The following TENM4 variants were observed in gnomAD, a reference collection of about 807,000 sequenced individuals.
TENM4 encodes the protein teneurin transmembrane protein 4.
TENM4 carries 82 observed loss-of-function variants against 243.3 expected under a neutral mutation model. That is an observed-to-expected ratio of 0.34 (90% CI 0.28 to 0.40). The LOEUF (loss-of-function observed/expected upper bound fraction) is 0.40, where lower values mean the gene tolerates loss of function less well. Ranked by LOEUF, TENM4 falls within the 10% of genes least tolerant of loss-of-function variation. The probability of loss-of-function intolerance (pLI) is 1.00; values close to 1 mark genes in which losing one functional copy is unlikely to be tolerated. For synonymous variants in TENM4, 1,412 were observed against 1,456.3 expected (o/e 0.97, Z 0.69); for missense variants, 3,138 against 3,673.3 (o/e 0.85, Z 3.77).
intron 1 of TENM4, among the ~76,000 whole-genome samples, chr11:79,325,584 G>A (rs763481360): frequency 7.9e-5 from 12 of 152,166 alleles, no homozygotes; most frequent in East Asian, 5.8e-4. Context: ...CCTCTCTGTC[G>A]AGATTAACTG....
At position 79,162,536 on chromosome 11, in the gene TENM4, ATTTT is replaced by A. The variant is rs565465954; in HGVS notation, c.-162-13734_-162-13731del. Among the ~76,000 whole-genome samples the A allele has an allele frequency of 7.5e-3, 1,144 of 151,892 alleles. 8 individuals are homozygous for A. The highest frequency in any genetic ancestry group is 0.031 in the Middle Eastern group (9 of 294). ...CTCCTCTATGTCTTAATTAATTTTG[ATTTT>A]AGGCCAGGAAGATAAGTATTATTTT... On this transcript the variant is annotated intron_variant, in intron 3 of 33. Coordinates refer to ENST00000278550, the MANE Select transcript of TENM4 (RefSeq NM_001098816.3).
At chr11:79,012,286 G>A (rs940463235) in intron 6 of TENM4, among the ~76,000 whole-genome samples, 16 of 152,126 alleles carry the variant, frequency 1.1e-4, no homozygotes, top group Non-Finnish European at 1.6e-4. Flanking sequence ...TAGATTCTTC[G>A]CCTTGTGGTA....
intron 6 of TENM4, among the ~76,000 whole-genome samples, chr11:79,038,662 T>C (rs895840129): frequency 6.6e-6 from 1 of 152,232 alleles, no homozygotes; most frequent in African/African-American, 2.4e-5. Flanking sequence ...GTTTCATTTC[T>C]CTCTGTTGCT....
At position 79,179,976 on chromosome 11, in the gene TENM4, C is replaced by T. The variant is rs141347126; in HGVS notation, c.-162-31170G>A. On this transcript the variant is annotated intron_variant, in intron 3 of 33. Coordinates refer to ENST00000278550, the MANE Select transcript of TENM4 (RefSeq NM_001098816.3). The stretch of plus-strand genomic sequence containing the variant: ...TCCTTACCATGGGACAGTGAGAAAA[C>T]GGTAGCTTTGGGAATGGAATCATGA... 1.8e-3 allele frequency among the ~76,000 whole-genome samples: 277 copies of T among 151,730 alleles called. 2 individuals carry two copies. Among genetic ancestry groups the T allele is most frequent in the African/African-American group, 6.2e-3 (259 of 41,472 alleles).
intron 2 of TENM4, among the ~76,000 whole-genome samples, chr11:79,271,554 C>G (rs189579221): frequency 8.5e-5 from 13 of 152,236 alleles, no homozygotes; most frequent in Non-Finnish European, 1.8e-4. Context: ...ACCTCCTTAC[C>G]TTCCCTCATG....
chr11:79,111,066 G>C (rs1266994103), intron 4 of TENM4, among the ~76,000 whole-genome samples: 1 of 152,004 alleles, frequency 6.6e-6, no homozygotes, highest in Non-Finnish European at 1.5e-5. Flanking sequence ...TTGAATCATG[G>C]GGGTGGATTC....
chr11:79,083,539 G>A (rs1230768691), intron 4 of TENM4, among the ~76,000 whole-genome samples: 1 of 152,182 alleles, frequency 6.6e-6, no homozygotes, highest in Non-Finnish European at 1.5e-5. Flanking sequence ...AGTCCACGTG[G>A]ATAGCAGCCA....
chr11:79,395,076 G>T (rs950323254), intron 1 of TENM4, among the ~76,000 whole-genome samples: 2 of 152,170 alleles, frequency 1.3e-5, no homozygotes, highest in African/African-American at 4.8e-5. Flanking sequence ...TTCCATTTGT[G>T]GTACTTTGCA....
At chr11:79,110,931 C>T (rs1861489593) in intron 4 of TENM4, among the ~76,000 whole-genome samples, 1 of 152,180 alleles carries the variant, frequency 6.6e-6, no homozygotes, top group South Asian at 2.1e-4. Context: ...TCAACAGCTC[C>T]ACTCAACAAC....
chr11:79,164,572 C>CTA (rs1409320669), intron 3 of TENM4, among the ~76,000 whole-genome samples: 1 of 124,774 alleles, frequency 8.0e-6, no homozygotes, highest in East Asian at 5.1e-4. Flanking sequence ...ATACTATATA[C>CTA]TATATATATA....
At chr11:79,258,671 G>T (rs1177346133) in intron 2 of TENM4, among the ~76,000 whole-genome samples, 2 of 152,204 alleles carry the variant, frequency 1.3e-5, no homozygotes, top group East Asian at 3.9e-4. Flanking sequence ...AGATGGCTGG[G>T]CTTCTGAGCA....
At position 79,317,521 on chromosome 11, in the gene TENM4, T is replaced by C. The variant is rs1856822604; in HGVS notation, c.-320-19978A>G. Among the ~76,000 whole-genome samples the C allele has an allele frequency of 2.6e-5, 4 of 152,192 alleles. No homozygotes were observed. In the South Asian group the frequency reaches 8.3e-4, roughly 32 times the overall value. On this transcript the variant is annotated intron_variant, in intron 1 of 33. Transcript: ENST00000278550. ...CTGCCTCTTACTGGTAGCTATTATGTTCCTGGACTTTTATATCTTTATTAA... is the reference window on the plus strand; with the variant it reads ...CTGCCTCTTACTGGTAGCTATTATGCTCCTGGACTTTTATATCTTTATTAA...
At chr11:79,409,087 TGTGTGTGTGTGTGTGC>T (rs1452701147) in intron 1 of TENM4, among the ~76,000 whole-genome samples, 8 of 119,834 alleles carry the variant, frequency 6.7e-5, no homozygotes, top group Admixed American at 1.7e-4. Flanking sequence ...TGTGTGTGTG[TGTGTGTGTGTGTGTGC>T]GCGCGCGCGC....
chr11:79,140,004 G>T (rs2135026525), intron 4 of TENM4, among the ~76,000 whole-genome samples: 1 of 150,928 alleles, frequency 6.6e-6, no homozygotes, highest in East Asian at 2.0e-4. Context: ...GGCATTTCTT[G>T]CCTAGATGAC....
chr11:78,945,648 T>C (rs970783809), intron 6 of TENM4, among the ~76,000 whole-genome samples: 1 of 152,218 alleles, frequency 6.6e-6, no homozygotes, highest in African/African-American at 2.4e-5. Context: ...GCTAGGTCTC[T>C]TGAGCCAAAG....
chr11:78,894,861 C>A (rs994167556), intron 7 of TENM4, among the ~76,000 whole-genome samples: 2 of 151,362 alleles, frequency 1.3e-5, no homozygotes, highest in African/African-American at 4.9e-5. Flanking sequence ...AGGCATGGTG[C>A]CACGTGCCTG....
intron 6 of TENM4, among the ~76,000 whole-genome samples, chr11:78,973,005 T>C (rs1004521283): frequency 6.6e-6 from 1 of 152,250 alleles, no homozygotes; most frequent in South Asian, 2.1e-4. Flanking sequence ...AAGCAACGAT[T>C]AGGATTTCAT....
chr11:78,661,693 G>T, intron 32 of TENM4, 102 bp from the exon 33 acceptor site: 1 of 1,448,438 alleles, frequency 6.9e-7, no homozygotes, highest in Non-Finnish European at 9.4e-7. Context: ...GTGTGGTGAG[G>T]GTGTGGATTG....
chr11:78,842,856 A>G (rs973973434), intron 12 of TENM4, among the ~76,000 whole-genome samples: 8 of 152,376 alleles, frequency 5.3e-5, no homozygotes, highest in Middle Eastern at 3.4e-3. Context: ...TATTTGCTTC[A>G]TATGCCTATT....
Sources: allele counts gnomAD v4.1 joint callset (sites outside exome capture counted in the v4.1 genomes callset), GRCh38; gene constraint gnomAD v4.1.1; transcripts MANE v1.5; gene names NCBI Gene and HGNC (gene_info 2026-07-23, HGNC 2026-07-21).